TNN: variants seen among roughly 807,000 people sequenced by gnomAD.
TNN encodes tenascin N, also known as tenascin-N.
Under a neutral mutation model 134.4 loss-of-function variants are expected in TNN, and 122 were observed. The observed-to-expected ratio is 0.91, with a 90% confidence interval of 0.78 to 1.06. The LOEUF is 1.06. Ranked by LOEUF, TNN falls within the 50% of genes least tolerant of loss-of-function variation. TNN has a pLI of 0.00. For synonymous variants in TNN, 710 were observed against 670.3 expected (o/e 1.06, Z -0.91); for missense variants, 1,739 against 1,699.4 (o/e 1.02, Z -0.41).
chr1:175,135,989 C>T (rs1675799484), intron 16 of TNN, 48 bp downstream of exon 16: 1 of 1,399,582 alleles, frequency 7.1e-7, no homozygotes, highest in Non-Finnish European at 1.0e-6. Context: ...GGTGATTTCT[C>T]CCAGGACAAG....
At chr1:175,098,222 C>A in intron 8 of TNN, 110 bp from the exon 9 acceptor site, 1 of 1,484,644 alleles carries the variant, frequency 6.7e-7, no homozygotes, top group Non-Finnish European at 9.2e-7. Flanking sequence ...ATGAGAATGC[C>A]ATTGCCTTGT....
intron 1 of TNN, among the ~76,000 whole-genome samples, chr1:175,069,171 TG>T (rs1231345251): frequency 6.6e-6 from 1 of 152,140 alleles, no homozygotes; most frequent in Non-Finnish European, 1.5e-5. Flanking sequence ...TAAAATCCAC[TG>T]GTTCTTGGAA....
chr1:175,134,167 C>A (rs1203678008), intron 15 of TNN, among the ~76,000 whole-genome samples: 1 of 152,200 alleles, frequency 6.6e-6, no homozygotes, highest in Non-Finnish European at 1.5e-5. Context: ...CCAGCCCTTA[C>A]ATCCAATTGC....
At chr1:175,073,117 C>T (rs1448026275) in intron 1 of TNN, among the ~76,000 whole-genome samples, 1 of 152,008 alleles carries the variant, frequency 6.6e-6, no homozygotes, top group Non-Finnish European at 1.5e-5. Flanking sequence ...CTGCCATGAA[C>T]ACAGTAGGTG....
Position 175,077,440 on chromosome 1 carries a change from C to T in TNN, c.22C>T (p.Arg8Cys), listed in dbSNP as rs147514080. The T allele has an allele frequency of 3.6e-4, 582 of 1,613,394 alleles. 3 individuals are homozygous for T. In the South Asian group the frequency reaches 4.5e-3, roughly 13 times the overall value. The change falls in exon 2 of 19, where the codon CGC becomes TGC. Residue 8 changes from arginine to cysteine, a missense_variant. By Grantham distance (180) the Arg-to-Cys change is radical. Transcript: ENST00000239462. MSLQEMFRFPMGLLLGSV... is the reference protein window; with the variant it reads MSLQEMFCFPMGLLLGSV... Reference sequence around the variant, plus strand: ...AAGGATGAGTCTCCAGGAGATGTTCCGCTTCCCTATGGGGCTCCTGCTTGG... The same window carrying T: ...AAGGATGAGTCTCCAGGAGATGTTCTGCTTCCCTATGGGGCTCCTGCTTGG...
At chr1:175,135,779 T>A in intron 15 of TNN, 66 bp from the exon 16 acceptor site, 2 of 1,322,120 alleles carry the variant, frequency 1.5e-6, no homozygotes, top group Non-Finnish European at 2.2e-6. Context: ...CTCTTGGTCT[T>A]CTCTTGTCTC....
At chr1:175,086,281 T>C (rs1235199864) in intron 6 of TNN, among the ~76,000 whole-genome samples, 1 of 152,222 alleles carries the variant, frequency 6.6e-6, no homozygotes, top group African/African-American at 2.4e-5. Context: ...CATCTGTGTA[T>C]TGAGAAAATA....
intron 6 of TNN, among the ~76,000 whole-genome samples, chr1:175,091,657 C>T (rs992497616): frequency 6.6e-6 from 1 of 151,148 alleles, no homozygotes; most frequent in African/African-American, 2.4e-5. Context: ...TGCATGATCT[C>T]AGCTTACTGC....
At chr1:175,122,657 C>A (rs937225207) in intron 11 of TNN, among the ~76,000 whole-genome samples, 1 of 152,150 alleles carries the variant, frequency 6.6e-6, no homozygotes, top group Non-Finnish European at 1.5e-5. Context: ...CTTAGACTAG[C>A]AGATTTAGTT....
At chr1:175,075,166 C>T (rs1674012041) in intron 1 of TNN, among the ~76,000 whole-genome samples, 1 of 152,356 alleles carries the variant, frequency 6.6e-6, no homozygotes, top group Admixed American at 6.5e-5. Context: ...CCTGTTTCCT[C>T]AACTTCCTGA....
At position 175,113,086 on chromosome 1, in the gene TNN, G is replaced by A. The variant is rs1241139750; in HGVS notation, c.2120-3853G>A. Among the ~76,000 whole-genome samples the A allele has an allele frequency of 3.3e-5, 5 of 152,258 alleles. No homozygotes were observed. The South Asian group carries it at 8.3e-4, about 25-fold the overall frequency. ...TATTGTTTCTTATTGTGATTTGGTA[G>A]GTTTTTGTAGTACTGAGGCTTGATC... On this transcript the variant is annotated intron_variant, in intron 9 of 18. Coordinates refer to ENST00000239462, the MANE Select transcript of TNN (RefSeq NM_022093.2).
At chr1:175,084,791 A>G (rs1375323717) in intron 5 of TNN, among the ~76,000 whole-genome samples, 1 of 152,222 alleles carries the variant, frequency 6.6e-6, no homozygotes, top group Non-Finnish European at 1.5e-5. Flanking sequence ...TTTGTGCCCA[A>G]GGAAAAATAA....
intron 12 of TNN, 105 bp downstream of exon 12, chr1:175,123,768 G>C: frequency 1.3e-6 from 2 of 1,526,658 alleles, no homozygotes; most frequent in Non-Finnish European, 1.8e-6. Context: ...TGCTTTACCC[G>C]AGGACATTCT....
At chr1:175,145,761 G>A (rs1029858438) in intron 18 of TNN, among the ~76,000 whole-genome samples, 1 of 151,814 alleles carries the variant, frequency 6.6e-6, no homozygotes, top group African/African-American at 2.4e-5. Context: ...CCCTGAAACT[G>A]TCCCACCCGC....
At chr1:175,098,234 C>G (rs1442188741) in intron 8 of TNN, 98 bp from the exon 9 acceptor site, 2 of 1,558,572 alleles carry the variant, frequency 1.3e-6, no homozygotes, top group African/African-American at 2.7e-5. Flanking sequence ...TTGCCTTGTT[C>G]TAAAAGAGCT....
chr1:175,124,200 C>T (rs1024449637), intron 12 of TNN, among the ~76,000 whole-genome samples: 16 of 152,198 alleles, frequency 1.1e-4, no homozygotes, highest in South Asian at 6.2e-4. Context: ...TCTGGCAGTA[C>T]GGGCAAGGTC....
At chr1:175,138,427 G>C (rs547443948) in intron 17 of TNN, among the ~76,000 whole-genome samples, 2 of 152,200 alleles carry the variant, frequency 1.3e-5, no homozygotes, top group South Asian at 2.1e-4. Flanking sequence ...AGTTCCATAG[G>C]GGTGAATGAA....
chr1:175,080,247 A>T lies in TNN; in HGVS notation c.869A>T (p.His290Leu), dbSNP rs767011525. 6.2e-6 allele frequency: 10 copies of T among 1,614,084 alleles called. No homozygotes were observed. In the South Asian group the frequency reaches 1.1e-4, roughly 18 times the overall value. ...TGGGAGCCCTCCAGCCAGGTGGATCACTACCTCCTCAGCTACTACCCCCTG... is the reference window on the plus strand; with the variant it reads ...TGGGAGCCCTCCAGCCAGGTGGATCTCTACCTCCTCAGCTACTACCCCCTG... ...VSWEPSSQVD[H>L]YLLSYYPLGK... Residue 290 changes from histidine to leucine, a missense_variant, in exon 4 of 19, where the codon CAC becomes CTC. Transcript: ENST00000239462.
intron 8 of TNN, 92 bp from the exon 9 acceptor site, chr1:175,098,240 G>T (rs1674621224): frequency 6.4e-6 from 10 of 1,569,810 alleles, no homozygotes; most frequent in African/African-American, 1.4e-5. Context: ...TGTTCTAAAA[G>T]AGCTCTGGAA....
Sources: gnomAD v4.1 joint callset for allele counts (sites outside exome capture counted in the v4.1 genomes callset) on GRCh38, gnomAD v4.1.1 for gene constraint, MANE v1.5 for transcripts, NCBI Gene and HGNC (gene_info 2026-07-23, HGNC 2026-07-21) for gene names.